Variants in TIA1 observed in about 807,000 individuals in gnomAD.
TIA1 encodes the protein cytotoxic granule associated RNA binding protein TIA1.
TIA1 carries 23 observed loss-of-function variants against 65.9 expected under a neutral mutation model. The ratio of observed to expected loss-of-function variants is 0.35; its 90% CI spans 0.25 to 0.49. TIA1 has a LOEUF of 0.49. TIA1 is among the 20% of genes least tolerant of loss of function. TIA1 has a pLI of 0.98. For synonymous variants in TIA1, 147 were observed against 149.4 expected (o/e 0.98, Z 0.12); for missense variants, 371 against 477.9 (o/e 0.78, Z 2.09).
chr2:70,225,655 T>C (rs1409855248), intron 6 of TIA1, among the ~76,000 whole-genome samples: 1 of 152,208 alleles, frequency 6.6e-6, no homozygotes, highest in Non-Finnish European at 1.5e-5. Context: ...TCAATCTGAG[T>C]GATTTATTAA....
intron 1 of TIA1, among the ~76,000 whole-genome samples, chr2:70,246,863 C>T (rs1694609275): frequency 6.6e-6 from 1 of 152,068 alleles, no homozygotes; most frequent in Admixed American, 6.6e-5. Context: ...TCTAGCCTTG[C>T]AGCCTGGGTG....
At chr2:70,224,710 C>A in intron 6 of TIA1, 81 bp from the exon 7 acceptor site, 1 of 1,555,136 alleles carries the variant, frequency 6.4e-7, no homozygotes, top group South Asian at 1.2e-5. Flanking sequence ...ACAACTCATT[C>A]TCATGTTTCA....
chr2:70,214,408 A>G lies in TIA1; in HGVS notation c.975T>C (p.Asn325=). 1 of 1,614,052 alleles carries G rather than the reference A, an allele frequency of 6.2e-7. No homozygotes were observed. The highest frequency in any genetic ancestry group is 8.5e-7 in the Non-Finnish European group (1 of 1,179,986). The change falls in exon 12 of 13, where the codon AAT becomes AAC. Residue 325 remains asparagine, a synonymous_variant. Coordinates refer to ENST00000433529, the MANE Select transcript of TIA1 (RefSeq NM_022173.4). ...TTCCATATGCAGGAACTTGCCAACC[A>G]TTAGGCATATACTGGCCAATTTGTT... ...NAQQIGQYMP[N]GWQVPAYGMY...
chr2:70,222,902 A>C (rs960050990), intron 7 of TIA1, among the ~76,000 whole-genome samples: 1 of 152,146 alleles, frequency 6.6e-6, no homozygotes, highest in African/African-American at 2.4e-5. Context: ...CAACAGAGCG[A>C]AACTCCGTCT....
intron 1 of TIA1, 34 bp from the exon 2 acceptor site, chr2:70,236,209 T>C: frequency 7.0e-7 from 1 of 1,429,886 alleles, no homozygotes; most frequent in East Asian, 2.3e-5. Flanking sequence ...TACCTTTTTT[T>C]TTTTTTGAGA....
chr2:70,230,675 A>G (rs1312356704), intron 3 of TIA1, 81 bp downstream of exon 3: 7 of 1,075,888 alleles, frequency 6.5e-6, no homozygotes, highest in South Asian at 1.6e-5. Flanking sequence ...AAAGTGTTTA[A>G]TGTTTCTAAA....
rs1221755597 is a variant in TIA1, at chr2:70,230,794, C to T, written c.184G>A (p.Ala62Thr). 1.2e-6 allele frequency: 2 copies of T among 1,612,644 alleles called. No homozygotes were observed. Among genetic ancestry groups the T allele is most frequent in the Non-Finnish European group, 1.7e-6 (2 of 1,179,584 alleles). ...TTCCGTCCATTCATAGCAGCTAATG[C>T]TGCAGCTGCATGACGATGCTCATGA... ...EFHEHRHAAAALAAMNGRKIM... is the reference protein window; with the variant it reads ...EFHEHRHAAATLAAMNGRKIM... Residue 62 changes from alanine to threonine, a missense_variant, in exon 3 of 13, where the codon GCA becomes ACA. Ala to Thr is a moderately conservative substitution (Grantham distance 58, BLOSUM62 0). Transcript: ENST00000433529.
chr2:70,222,223 A>G (rs1006146025), intron 7 of TIA1, among the ~76,000 whole-genome samples: 15 of 152,230 alleles, frequency 9.9e-5, no homozygotes, highest in African/African-American at 2.4e-4. Flanking sequence ...GGACACAATC[A>G]TAAGTGATTT....
intron 1 of TIA1, among the ~76,000 whole-genome samples, chr2:70,240,271 T>C (rs145505014): frequency 6.6e-6 from 1 of 152,302 alleles, no homozygotes; most frequent in East Asian, 1.9e-4. Context: ...AATATTTACA[T>C]AAAAAAGTCT....
intron 7 of TIA1, among the ~76,000 whole-genome samples, chr2:70,218,172 A>G (rs959361123): frequency 2.0e-5 from 3 of 152,192 alleles, no homozygotes; most frequent in Non-Finnish European, 2.9e-5. Flanking sequence ...TACAGACAGG[A>G]TGAATAAGAA....
intron 10 of TIA1, 174 bp downstream of exon 10, chr2:70,216,034 G>A (rs1678495599): frequency 8.2e-6 from 5 of 610,144 alleles, no homozygotes; most frequent in Admixed American, 3.4e-5. Flanking sequence ...ATACAGGCGT[G>A]AGCCACCGCA....
rs1364626544 is a variant in TIA1, at chr2:70,212,058, C to G, written c.*661G>C. On this transcript the variant is annotated 3_prime_UTR_variant, in exon 13 of 13. Coordinates refer to ENST00000433529, the MANE Select transcript of TIA1 (RefSeq NM_022173.4). ...CACAAGATGAATGCAATTATCAATCCATCTGAGAAAAGTTTTCAATCTAAA... is the reference window on the plus strand; with the variant it reads ...CACAAGATGAATGCAATTATCAATCGATCTGAGAAAAGTTTTCAATCTAAA... The G allele has an allele frequency of 6.6e-6, 1 of 152,516 alleles. No homozygotes were observed. Among genetic ancestry groups the G allele is most frequent in the Admixed American group, 6.6e-5 (1 of 15,256 alleles). 9.4% of individuals were successfully genotyped at this position (152,516 alleles called of 1,614,324 possible).
intron 6 of TIA1, among the ~76,000 whole-genome samples, chr2:70,227,510 T>A (rs1684324189): frequency 6.6e-6 from 1 of 152,128 alleles, no homozygotes; most frequent in Non-Finnish European, 1.5e-5. Flanking sequence ...TTAAGAGCTA[T>A]GCTAATTGAA....
At chr2:70,230,713 AT>A in intron 3 of TIA1, 42 bp downstream of exon 3, 1 of 1,439,638 alleles carries the variant, frequency 6.9e-7, no homozygotes, top group Non-Finnish European at 9.5e-7. Context: ...TATAACTTAA[AT>A]TTTTTCAGTG....
chr2:70,239,225 T>G lies in TIA1; in HGVS notation c.27-3050A>C, dbSNP rs183497564. The stretch of plus-strand genomic sequence containing the variant: ...CTCCTGCCTCAGCCTCCCGAGTAGC[T>G]GGGACTACAGGCACCCGCCACCACG... On this transcript the variant is annotated intron_variant, in intron 1 of 12. Transcript: ENST00000433529. 4.3e-4 allele frequency among the ~76,000 whole-genome samples: 65 copies of G among 152,236 alleles called. 1 individual carries two copies. The highest frequency in any genetic ancestry group is 7.2e-4 in the Non-Finnish European group (49 of 68,026).
chr2:70,245,372 T>C (rs150857501), intron 1 of TIA1, among the ~76,000 whole-genome samples: 26 of 152,298 alleles, frequency 1.7e-4, no homozygotes, highest in African/African-American at 5.5e-4. Flanking sequence ...TATAGTTATC[T>C]CAAAAGAGAA....
intron 7 of TIA1, among the ~76,000 whole-genome samples, chr2:70,220,390 C>G (rs1007194641): frequency 6.6e-6 from 1 of 151,762 alleles, no homozygotes; most frequent in Non-Finnish European, 1.5e-5. Flanking sequence ...GCCTGGGTGA[C>G]AGAGTGAGGT....
At chr2:70,217,239 T>C (rs2103964031) in intron 7 of TIA1, 1 of 252,828 alleles carries the variant, frequency 4.0e-6, no homozygotes, top group Non-Finnish European at 7.3e-6. Flanking sequence ...TGGTGTGATC[T>C]TGGGTCACTG....
At chr2:70,241,538 T>C (rs1457850748) in intron 1 of TIA1, among the ~76,000 whole-genome samples, 2 of 152,238 alleles carry the variant, frequency 1.3e-5, no homozygotes, top group Non-Finnish European at 2.9e-5. Flanking sequence ...TAACTTAATC[T>C]TCCTCTTCCT....
Sources: gnomAD v4.1 joint callset for allele counts (sites outside exome capture counted in the v4.1 genomes callset) on GRCh38, gnomAD v4.1.1 for gene constraint, MANE v1.5 for transcripts, NCBI Gene and HGNC (gene_info 2026-07-23, HGNC 2026-07-21) for gene names.